MAST3: variants seen among roughly 807,000 people sequenced by gnomAD.
The protein encoded by MAST3 is microtubule associated serine/threonine kinase 3.
A neutral mutation model predicts 127.0 loss-of-function variants in MAST3; 43 were observed. That is an observed-to-expected ratio of 0.34 (90% CI 0.27 to 0.44). MAST3 has a LOEUF of 0.44. MAST3 is among the 20% of genes least tolerant of loss of function. The probability of loss-of-function intolerance (pLI) is 1.00; values close to 1 mark genes in which losing one functional copy is unlikely to be tolerated. For missense variants in MAST3, 1,390 were observed against 1,919.1 expected (o/e 0.72, Z 5.15); for synonymous variants, 785 against 809.2 (o/e 0.97, Z 0.51).
intron 3 of MAST3, among the ~76,000 whole-genome samples, chr19:18,113,060 G>GA (rs1298368108): frequency 1.3e-5 from 2 of 152,154 alleles, no homozygotes. Context: ...GGAGGGACCC[G>GA]TGTGTTGGAG....
intron 14 of MAST3, among the ~76,000 whole-genome samples, chr19:18,131,516 T>C (rs2041279567): frequency 7.2e-6 from 1 of 138,798 alleles, no homozygotes; most frequent in Admixed American, 7.1e-5. Flanking sequence ...CTGACCAACA[T>C]AGTGAAGCCC....
chr19:18,136,331 G>A (rs139745497), intron 18 of MAST3, among the ~76,000 whole-genome samples: 1 of 152,236 alleles, frequency 6.6e-6, no homozygotes, highest in African/African-American at 2.4e-5. Context: ...GGAGGCCCTC[G>A]TAAGGCTCTG....
In MAST3 at chr19:18,145,788, G is replaced by A. The variant is rs1179875025; in HGVS notation, c.3085G>A (p.Gly1029Arg). The A allele has an allele frequency of 1.3e-6, 2 of 1,592,294 alleles. No individual in the cohort carries two copies. The highest frequency in any genetic ancestry group is 4.6e-5 in the East Asian group (2 of 43,236). ...CGCCCAGGAGGCGGGCCTGCGGGCT[G>A]GGGACCTCATCACCCACATCAACGG... is the stretch of plus-strand genomic sequence containing the variant. Reference protein sequence around the residue: ...SPAQEAGLRAGDLITHINGES... With the variant: ...SPAQEAGLRARDLITHINGES... Residue 1029 changes from glycine (G) to arginine (R), a missense_variant, in exon 25 of 28, where the codon GGG becomes AGG. Physicochemically the swap from Gly to Arg is moderately radical, Grantham distance 125. This residue lies in a region of MAST3 where 816 missense variants were observed against 934.1 expected (regional missense o/e 0.87). Transcript: ENST00000687212. This position sits in a 1 kb window ranked among gnomAD's most constrained non-coding sequence, Gnocchi z 5.9.
In MAST3 at chr19:18,124,140, C is replaced by T; in HGVS notation, c.835C>T (p.Leu279=). ...GATGCAGGAGAAGCTGGAGCGGCTT[C>T]TGCAGGATGTGCGTGGTTTTTCGCA... ...LEMQEKLERL[L]QDAHERSDSE... Residue 279 remains leucine (L), a synonymous_variant, in exon 9 of 28, where the codon CTG becomes TTG. Coordinates refer to ENST00000687212, the MANE Select transcript of MAST3 (RefSeq NM_001393504.1). 1 of 1,609,558 alleles carries T rather than the reference C, an allele frequency of 6.2e-7. No individual in the cohort carries two copies. The highest frequency in any genetic ancestry group is 1.1e-5 in the South Asian group (1 of 90,246).
In MAST3 at chr19:18,143,963, C is replaced by A. The variant is rs201077167; in HGVS notation, c.2540C>A (p.Pro847Gln). 4.5e-5 allele frequency: 72 copies of A among 1,593,846 alleles called. 1 individual carries two copies. In the Middle Eastern group the frequency reaches 2.0e-3, roughly 44 times the overall value. The change falls in exon 22 of 28, where the codon CCA (proline) becomes CAA (glutamine). Residue 847 changes from proline to glutamine, a missense_variant. Around this residue, in one of 5 missense-constraint regions of MAST3, gnomAD observed 816 missense variants for 934.1 expected, o/e 0.87. Transcript: ENST00000687212. ...TTCATTCTAGGGGAGCCTGACCCCC[C>A]ACCAGCGGCCACCCCAGTGATGCCC... ...PVFILGEPDP[P>Q]PAATPVMPKP...
intron 1 of MAST3, among the ~76,000 whole-genome samples, chr19:18,100,067 C>T (rs996984738): frequency 5.3e-5 from 8 of 150,764 alleles, no homozygotes; most frequent in Admixed American, 6.6e-5. Flanking sequence ...GGTGTGGTGG[C>T]TCATGACTGT....
In MAST3 at chr19:18,110,711, G is replaced by A. The variant is rs917175955; in HGVS notation, c.131G>A (p.Cys44Tyr). The A allele has an allele frequency of 5.4e-5, 53 of 985,962 alleles. No homozygotes were observed. Among genetic ancestry groups the A allele is most frequent in the Non-Finnish European group, 6.1e-5 (51 of 830,042 alleles). 61.1% of individuals were successfully genotyped at this position (985,962 alleles called of 1,614,324 possible). ...LLGPSSPCSP[C>Y]SPSLGLHPWS... is the part of the protein sequence containing the mutation. ...GGTCCCAGCAGCCCCTGCAGCCCCT[G>A]TAGCCCCTCCTTGGGCCTGCACCCC... The change falls in exon 3 of 28, where the codon TGT (cysteine) becomes TAT (tyrosine). Residue 44 changes from cysteine (C) to tyrosine (Y), a missense_variant. Physicochemically the swap from Cys to Tyr is radical, Grantham distance 194. This residue lies in a region of MAST3 where 61 missense variants were observed against 78.2 expected (regional missense o/e 0.78). Transcript: ENST00000687212. The surrounding 1 kb of genome is among the most constrained non-coding windows in gnomAD (Gnocchi z 4.3).
intron 2 of MAST3, among the ~76,000 whole-genome samples, chr19:18,108,244 C>T (rs144085912): frequency 3.8e-4 from 57 of 151,918 alleles, no homozygotes; most frequent in African/African-American, 1.3e-3. Flanking sequence ...GAACCAGGCT[C>T]CCACCACCAG....
At chr19:18,120,998 G>C (rs539717023) in intron 3 of MAST3, among the ~76,000 whole-genome samples, 1 of 152,228 alleles carries the variant, frequency 6.6e-6, no homozygotes, top group African/African-American at 2.4e-5. Flanking sequence ...TGGGATTACA[G>C]GTGTGAGTCA....
At chr19:18,143,665 G>C in intron 21 of MAST3, 98 bp from the exon 22 acceptor site, 4 of 1,480,960 alleles carry the variant, frequency 2.7e-6, no homozygotes, top group Non-Finnish European at 3.7e-6. Context: ...AATTACCCTT[G>C]ACTGCAGACT....
At chr19:18,118,086 C>T (rs2039506246) in intron 3 of MAST3, 1 of 985,174 alleles carries the variant, frequency 1.0e-6, no homozygotes, top group African/African-American at 1.7e-5. Context: ...TCCGGCTCCG[C>T]GGGGCTCCTG....
In MAST3 at chr19:18,128,934, T is replaced by G; in HGVS notation, c.1206T>G (p.Ile402Met). 6.2e-7 allele frequency: 1 copy of G among 1,613,922 alleles called. No homozygotes were observed. The highest frequency in any genetic ancestry group is 8.5e-7 in the Non-Finnish European group (1 of 1,179,868). Residue 402 changes from isoleucine (I) to methionine (M), a missense_variant, in exon 13 of 28, where the codon ATT (isoleucine) becomes ATG (methionine). By Grantham distance (10) the Ile-to-Met change is conservative. Around this residue, in one of 5 missense-constraint regions of MAST3, gnomAD observed 277 missense variants for 384.8 expected, o/e 0.72. Coordinates refer to ENST00000687212, the MANE Select transcript of MAST3 (RefSeq NM_001393504.1). ...GCGACTTTGAGACCATCAAACTCAT[T>G]AGCAACGGAGCCTATGGGTGAGTCC... is the stretch of plus-strand genomic sequence containing the variant. ...CESDFETIKL[I>M]SNGAYGAVYL... is the part of the protein sequence containing the mutation.
At position 18,112,084 on chromosome 19, in the gene MAST3, G is replaced by A. The variant is rs1428013431; in HGVS notation, c.161+1343G>A. Among the ~76,000 whole-genome samples the A allele has an allele frequency of 2.0e-5, 3 of 152,248 alleles. No individual in the cohort carries two copies. The stretch of plus-strand genomic sequence containing the variant: ...GGAGGTGATGTTTGAGCCAAGGCCT[G>A]GGCACAGCTAAAGAAAGATTGGCAC... On this transcript the variant is annotated intron_variant, in intron 3 of 27. Transcript: ENST00000687212. This position sits in a 1 kb window ranked among gnomAD's most constrained non-coding sequence, Gnocchi z 4.1.
chr19:18,102,772 A>T (rs959889787), intron 1 of MAST3, among the ~76,000 whole-genome samples: 3 of 150,926 alleles, frequency 2.0e-5, no homozygotes, highest in Non-Finnish European at 4.4e-5. Context: ...GAGCCACCGC[A>T]CCTGGCTCAA....
intron 2 of MAST3, among the ~76,000 whole-genome samples, chr19:18,109,162 G>A (rs568144505): frequency 2.6e-5 from 4 of 152,292 alleles, no homozygotes; most frequent in East Asian, 1.9e-4. Flanking sequence ...TATGCTTGGC[G>A]TTAGAAGAAC....
chr19:18,135,938 T>C (rs923632568), intron 18 of MAST3, 97 bp downstream of exon 18: 9 of 907,030 alleles, frequency 9.9e-6, no homozygotes, highest in African/African-American at 1.7e-5. Flanking sequence ...AGAGTTCTAC[T>C]TGGGAAGCTG....
rs2042915106 is a variant in MAST3, at chr19:18,145,323, G to T, written c.3039+94G>T. 1 of 1,252,902 alleles carries T rather than the reference G, an allele frequency of 8.0e-7. No homozygotes were observed. Among genetic ancestry groups the T allele is most frequent in the African/African-American group, 1.5e-5 (1 of 68,104 alleles). The allele number at this position is 1,252,902 out of a possible 1,614,324, so 77.6% of individuals were successfully genotyped here. On this transcript the variant is annotated intron_variant, in intron 24 of 27. Coordinates refer to ENST00000687212, the MANE Select transcript of MAST3 (RefSeq NM_001393504.1). This position sits in a 1 kb window ranked among gnomAD's most constrained non-coding sequence, Gnocchi z 5.9. ...AGAGCTGCATTTTGGAGCCTGGCAG[G>T]GTTAGGTAGATAGAGCTGGTGCCAC...
At chr19:18,123,530 C>A (rs1267882416) in intron 7 of MAST3, 50 bp from the exon 8 acceptor site, 3 of 1,484,030 alleles carry the variant, frequency 2.0e-6, no homozygotes, top group South Asian at 1.4e-5. Context: ...ACATCCTCCC[C>A]TGGGGTTGGT....
Position 18,145,681 on chromosome 19 carries a change from G to A in MAST3, c.3040-62G>A. ...TGGGGTCCCACAGCAGACCCAGCCT[G>A]GGCTGGGGTCCCCAGATGTGGGGCC... On this transcript the variant is annotated intron_variant, in intron 24 of 27. Coordinates refer to ENST00000687212, the MANE Select transcript of MAST3 (RefSeq NM_001393504.1). The surrounding 1 kb of genome is among the most constrained non-coding windows in gnomAD (Gnocchi z 5.9). 1 of 1,492,998 alleles carries A rather than the reference G, an allele frequency of 6.7e-7. No individual in the cohort carries two copies. The highest frequency in any genetic ancestry group is 8.9e-7 in the Non-Finnish European group (1 of 1,124,632). 92.5% of individuals were successfully genotyped at this position (1,492,998 alleles called of 1,614,324 possible). A position where few individuals can be genotyped will look rare whatever the true frequency, so the allele number is the denominator to read the frequency against.
Sources: allele counts gnomAD v4.1 joint callset (sites outside exome capture counted in the v4.1 genomes callset), GRCh38; gene constraint gnomAD v4.1.1; regional missense constraint gnomAD v4.1.1; non-coding constraint Gnocchi (gnomAD v3.1); transcripts MANE v1.5; gene names NCBI Gene and HGNC (gene_info 2026-07-23, HGNC 2026-07-21).